ARK2N: variants seen among roughly 807,000 people sequenced by gnomAD.
ARK2N encodes protein ARK2N.
the ARK2N span, among the ~76,000 whole-genome samples, chr18:46,175,071 C>T: frequency 2.6e-5 from 4 of 152,134 alleles, no homozygotes; most frequent in African/African-American, 9.7e-5. Flanking sequence ...TAAAGACTAT[C>T]GCCTTTACGC....
chr18:46,182,717 T>A, the ARK2N span, among the ~76,000 whole-genome samples: 1 of 148,060 alleles, frequency 6.8e-6, no homozygotes, highest in Non-Finnish European at 1.5e-5. Context: ...ATTTGATAAC[T>A]TCTTTGGCTT....
chr18:46,250,980 T>C, the ARK2N span, among the ~76,000 whole-genome samples: 13 of 152,214 alleles, frequency 8.5e-5, no homozygotes, highest in Non-Finnish European at 1.6e-4. Context: ...CATGGTGCAA[T>C]AGACTGCTTT....
the ARK2N span, among the ~76,000 whole-genome samples, chr18:46,253,253 T>C: frequency 6.6e-6 from 1 of 152,170 alleles, no homozygotes; most frequent in Non-Finnish European, 1.5e-5. Flanking sequence ...TAGAGTTTGG[T>C]TCTATTAAAA....
chr18:46,212,014 A>AT, the ARK2N span, among the ~76,000 whole-genome samples: 2 of 152,146 alleles, frequency 1.3e-5, no homozygotes, highest in African/African-American at 4.8e-5. Context: ...GTATGACATC[A>AT]TTTCCCCCTG....
chr18:46,205,759 C>A, the ARK2N span, among the ~76,000 whole-genome samples: 1 of 152,154 alleles, frequency 6.6e-6, no homozygotes, highest in Non-Finnish European at 1.5e-5. Flanking sequence ...ATTCTGTTGC[C>A]CAGGCAGGCA....
At chr18:46,210,178 AG>A in the ARK2N span, among the ~76,000 whole-genome samples, 7 of 152,236 alleles carry the variant, frequency 4.6e-5, no homozygotes, top group Non-Finnish European at 8.8e-5. Context: ...AGGTGATGAT[AG>A]TCAATACTAT....
the ARK2N span, among the ~76,000 whole-genome samples, chr18:46,255,410 C>CT: frequency 2.8e-4 from 37 of 133,714 alleles, no homozygotes; most frequent in African/African-American, 1.1e-3. Context: ...TTTTCTTTTT[C>CT]TTTTCTTTTC....
chr18:46,235,832 G>A, the ARK2N span, among the ~76,000 whole-genome samples: 2 of 152,200 alleles, frequency 1.3e-5, no homozygotes, highest in Non-Finnish European at 2.9e-5. Context: ...GGGATAAACA[G>A]TAAAGGAAAA....
the ARK2N span, among the ~76,000 whole-genome samples, chr18:46,207,822 A>G: frequency 1.3e-5 from 2 of 152,184 alleles, no homozygotes; most frequent in Non-Finnish European, 2.9e-5. Flanking sequence ...CTTGGATTCT[A>G]TCTTTCTAGC....
At chr18:46,176,906 A>G in the ARK2N span, among the ~76,000 whole-genome samples, 1 of 151,914 alleles carries the variant, frequency 6.6e-6, no homozygotes, top group Non-Finnish European at 1.5e-5. Context: ...GTGAGCCACC[A>G]CGGCTGGCTA....
chr18:46,181,216 T>C, the ARK2N span, among the ~76,000 whole-genome samples: 4 of 152,104 alleles, frequency 2.6e-5, no homozygotes, highest in South Asian at 6.2e-4. Flanking sequence ...GCAGGGATCA[T>C]GCCATTGCAC....
At chr18:46,249,104 T>C in the ARK2N span, among the ~76,000 whole-genome samples, 3 of 152,190 alleles carry the variant, frequency 2.0e-5, no homozygotes, top group Non-Finnish European at 4.4e-5. Context: ...GTATCCCCCA[T>C]GCTAAGCATA....
chr18:46,253,891 A>G, the ARK2N span: 9 of 1,496,354 alleles, frequency 6.0e-6, no homozygotes, highest in Non-Finnish European at 8.1e-6. Flanking sequence ...AAAACAAGTT[A>G]AAAGAAAATG....
At chr18:46,246,158 C>G in the ARK2N span, among the ~76,000 whole-genome samples, 1 of 152,108 alleles carries the variant, frequency 6.6e-6, no homozygotes, top group Non-Finnish European at 1.5e-5. Flanking sequence ...TTTGAAGAAC[C>G]TCATAGCATC....
the ARK2N span, among the ~76,000 whole-genome samples, chr18:46,226,806 C>CTTTT: frequency 1.2e-4 from 16 of 133,986 alleles, no homozygotes; most frequent in African/African-American, 3.9e-4. Context: ...ACTGGATTTA[C>CTTTT]TTTTTTTTTT....
chr18:46,211,827 C>T, the ARK2N span, among the ~76,000 whole-genome samples: 5 of 152,170 alleles, frequency 3.3e-5, no homozygotes, highest in South Asian at 1.0e-3. Context: ...CAACATTAAC[C>T]CAGAGGGTTG....
At chr18:46,222,794 G>A in the ARK2N span, among the ~76,000 whole-genome samples, 2 of 152,188 alleles carry the variant, frequency 1.3e-5, no homozygotes, top group Non-Finnish European at 1.5e-5. Context: ...CTTCTCCCAC[G>A]TAGCCACGGC....
the ARK2N span, among the ~76,000 whole-genome samples, chr18:46,190,063 A>T: frequency 6.6e-6 from 1 of 152,144 alleles, no homozygotes; most frequent in Non-Finnish European, 1.5e-5. Context: ...TTGGCCACTG[A>T]CCTACATATT....
the ARK2N span, among the ~76,000 whole-genome samples, chr18:46,191,849 A>G: frequency 6.6e-6 from 1 of 152,112 alleles, no homozygotes; most frequent in African/African-American, 2.4e-5. Flanking sequence ...CCCTCTGGCA[A>G]CCATTGATCT....
Sources: gnomAD v4.1 joint callset for allele counts (sites outside exome capture counted in the v4.1 genomes callset) on GRCh38, gnomAD v4.1.1 for gene constraint, MANE v1.5 for transcripts, NCBI Gene and HGNC (gene_info 2026-07-23, HGNC 2026-07-21) for gene names.